ZNF451: variants seen among roughly 807,000 people sequenced by gnomAD.
The protein encoded by ZNF451 is zinc finger protein 451.
ZNF451 carries 80 observed loss-of-function variants against 107.1 expected under a neutral mutation model. The observed-to-expected ratio is 0.75, with a 90% CI of 0.62 to 0.90. ZNF451 has a LOEUF of 0.90. Among genes scored for constraint, ZNF451 ranks in the 40% least tolerant of loss-of-function variants. ZNF451 has a pLI of 0.00. For synonymous variants in ZNF451, 362 were observed against 406.5 expected, an observed-to-expected ratio of 0.89 and a Z score of 1.32; for missense variants, 1,107 against 1,236.2, an observed-to-expected ratio of 0.90 and a Z score of 1.57.
rs770130087 is a variant in ZNF451 at position 57,124,793 on chromosome 6, G to C, written c.246G>C (p.Leu82=). ...AGAAGGATAAAGTTGCTTTAACTCTGGCTCGTCTAGCCCGCCATGTTGAAG... is the reference window on the plus strand; with the variant it reads ...AGAAGGATAAAGTTGCTTTAACTCTCGCTCGTCTAGCCCGCCATGTTGAAG... ...DYQKDKVALT[L]ARLARHVEVE... is the part of the protein sequence containing the mutation. The change falls in exon 4 of 15, where the codon CTG becomes CTC. Residue 82 remains leucine (L), a synonymous_variant. Transcript: ENST00000370706. 1 of 1,610,426 alleles carries C rather than the reference G, an allele frequency of 6.2e-7. No individual in the cohort carries two copies. The highest frequency in any genetic ancestry group is 1.1e-5 in the South Asian group (1 of 90,904).
chr6:57,154,560 A>G lies in ZNF451; in HGVS notation c.3070+513A>G, dbSNP rs879068862. On this transcript the variant is annotated intron_variant, in intron 13 of 14. Transcript: ENST00000370706. Reference sequence around the variant, plus strand: ...TGCTGGGACTTGCACTTTCTTCTGTACCTTTGTGAGATTGTTCAATGAAAG... The same window carrying G: ...TGCTGGGACTTGCACTTTCTTCTGTGCCTTTGTGAGATTGTTCAATGAAAG... The G allele has an allele frequency of 1.5e-4, 24 of 156,808 alleles. No individual in the cohort carries two copies. The South Asian group carries it at 4.8e-3, about 31-fold the overall frequency. The allele number at this position is 156,808 out of a possible 1,614,324, so 9.7% of individuals were successfully genotyped here.
At chr6:57,130,783 C>G (rs1213045907) in intron 5 of ZNF451, among the ~76,000 whole-genome samples, 1 of 152,136 alleles carries the variant, frequency 6.6e-6, no homozygotes, top group Non-Finnish European at 1.5e-5. Context: ...ATGGTACTTT[C>G]AAGATTAGTG....
intron 14 of ZNF451, among the ~76,000 whole-genome samples, chr6:57,162,234 AAC>A (rs1360173099): frequency 1.3e-5 from 2 of 152,196 alleles, no homozygotes; most frequent in Non-Finnish European, 2.9e-5. Context: ...AATGTGACTA[AAC>A]ACACACAAAC....
In ZNF451 at chr6:57,106,932, C is replaced by G. The variant is rs1029177542; in HGVS notation, c.186+7791C>G. ...TTCCAGATATATTGAGTTTTATAAACCATTAAAATATTATTTTATGAAATT... is the reference window on the plus strand; with the variant it reads ...TTCCAGATATATTGAGTTTTATAAAGCATTAAAATATTATTTTATGAAATT... On this transcript the variant is annotated intron_variant, in intron 3 of 14. Coordinates refer to ENST00000370706, the MANE Select transcript of ZNF451 (RefSeq NM_001031623.3). 14 of 928,648 alleles carry G rather than the reference C, an allele frequency of 1.5e-5. No individual in the cohort carries two copies. The African/African-American group carries it at 2.1e-4, about 14-fold the overall frequency. 57.5% of individuals were successfully genotyped at this position (928,648 alleles called of 1,614,324 possible). A position where few individuals can be genotyped will look rare whatever the true frequency, so the allele number is the denominator to read the frequency against.
At chr6:57,121,619 A>G (rs1406528884) in intron 3 of ZNF451, among the ~76,000 whole-genome samples, 1 of 152,150 alleles carries the variant, frequency 6.6e-6, no homozygotes, top group Non-Finnish European at 1.5e-5. Context: ...GTAGAATACA[A>G]CCCCATTTAC....
intron 3 of ZNF451, chr6:57,102,791 A>G (rs1025917682): frequency 2.0e-6 from 2 of 985,322 alleles, no homozygotes; most frequent in Non-Finnish European, 2.4e-6. Context: ...AAAGACTTCT[A>G]CCTGTAACAT....
At chr6:57,108,899 C>T in intron 3 of ZNF451, 1 of 985,418 alleles carries the variant, frequency 1.0e-6, no homozygotes, top group South Asian at 4.7e-5. Context: ...GGTGGTGGAA[C>T]TGAGCTTTAA....
At chr6:57,136,535 A>G (rs1157719889) in intron 7 of ZNF451, among the ~76,000 whole-genome samples, 1 of 152,186 alleles carries the variant, frequency 6.6e-6, no homozygotes, top group Non-Finnish European at 1.5e-5. Context: ...GAAGAAAGAA[A>G]TGATAGGGTT....
intron 3 of ZNF451, among the ~76,000 whole-genome samples, chr6:57,123,729 G>T (rs1013722594): frequency 6.6e-6 from 1 of 152,008 alleles, no homozygotes; most frequent in East Asian, 1.9e-4. Context: ...TCTTCATAAA[G>T]ATGTACACAT....
At position 57,159,057 on chromosome 6, in the gene ZNF451, C is replaced by T. The variant is rs183598564; in HGVS notation, c.3071-2027C>T. Reference sequence around the variant, plus strand: ...TTAAAGTCTGTCTGCCTGTTGTTTCCTCAGCCTGTTAATGAAAACTATAGG... The same window carrying T: ...TTAAAGTCTGTCTGCCTGTTGTTTCTTCAGCCTGTTAATGAAAACTATAGG... On this transcript the variant is annotated intron_variant, in intron 13 of 14. Transcript: ENST00000370706. 78 of 985,410 alleles carry T rather than the reference C, an allele frequency of 7.9e-5. 1 individual carries two copies. The East Asian group carries it at 6.9e-3, about 87-fold the overall frequency. The allele number at this position is 985,410 out of a possible 1,614,324, so 61.0% of individuals were successfully genotyped here. A position where few individuals can be genotyped will look rare whatever the true frequency, so the allele number is the denominator to read the frequency against.
At chr6:57,101,590 A>G (rs549747588) in intron 3 of ZNF451, 45 of 1,550,886 alleles carry the variant, frequency 2.9e-5, no homozygotes, top group Non-Finnish European at 3.6e-5. Flanking sequence ...TGCTAGCTAC[A>G]TGGCCTATAT....
intron 6 of ZNF451, 73 bp downstream of exon 6, chr6:57,133,265 G>T (rs138118315): frequency 1.4e-6 from 2 of 1,408,458 alleles, no homozygotes; most frequent in Non-Finnish European, 9.9e-7. Flanking sequence ...AAATGAAAGC[G>T]TAATGCTCCT....
chr6:57,152,684 C>G (rs1392067468), intron 12 of ZNF451, among the ~76,000 whole-genome samples: 1 of 152,090 alleles, frequency 6.6e-6, no homozygotes, highest in Non-Finnish European at 1.5e-5. Flanking sequence ...ACCTCAGCCC[C>G]CTGGGCTGAA....
In ZNF451 at chr6:57,099,150, A is replaced by G. The variant is rs545298165; in HGVS notation, c.186+9A>G. On this transcript the variant is annotated intron_variant, in intron 3 of 14. Coordinates refer to ENST00000370706, the MANE Select transcript of ZNF451 (RefSeq NM_001031623.3). ...GCACCTCTTATACTGATGTAAGTAC[A>G]TTATATTTGATTTGTGTTTCTTCAC... The G allele has an allele frequency of 4.4e-6, 7 of 1,583,838 alleles. No homozygotes were observed. The Middle Eastern group carries it at 5.0e-4, about 114-fold the overall frequency.
intron 2 of ZNF451, among the ~76,000 whole-genome samples, chr6:57,095,324 T>G (rs1829238665): frequency 6.7e-6 from 1 of 148,576 alleles, no homozygotes; most frequent in Non-Finnish European, 1.5e-5. Flanking sequence ...TTTTCTGTGA[T>G]ACTTTTTTTT....
chr6:57,134,646 G>A (rs1196079673), intron 6 of ZNF451, 98 bp from the exon 7 acceptor site: 1 of 1,022,154 alleles, frequency 9.8e-7, no homozygotes, highest in Non-Finnish European at 1.4e-6. Flanking sequence ...AGTTCTGAAT[G>A]TGTGTGTATG....
chr6:57,131,745 A>G (rs1036339034), intron 5 of ZNF451, among the ~76,000 whole-genome samples: 1 of 152,212 alleles, frequency 6.6e-6, no homozygotes, highest in Non-Finnish European at 1.5e-5. Flanking sequence ...GGGGCTTTGT[A>G]GAAAATTCAA....
rs1015864298 is a variant in ZNF451 at position 57,169,027 on chromosome 6, G to C, written c.*558G>C. The C allele has an allele frequency of 1.3e-5, 2 of 152,020 alleles. No individual in the cohort carries two copies. Among genetic ancestry groups the C allele is most frequent in the Non-Finnish European group, 2.9e-5 (2 of 67,990 alleles). 9.4% of individuals were successfully genotyped at this position (152,020 alleles called of 1,614,324 possible). A position where few individuals can be genotyped will look rare whatever the true frequency, so the allele number is the denominator to read the frequency against. On this transcript the variant is annotated 3_prime_UTR_variant, in exon 15 of 15. Coordinates refer to ENST00000370706, the MANE Select transcript of ZNF451 (RefSeq NM_001031623.3). ...AATTTTATCAGCAATGTTCTTTGTGGGTGCCATGCATATGTAAATTATTGC... is the reference window on the plus strand; with the variant it reads ...AATTTTATCAGCAATGTTCTTTGTGCGTGCCATGCATATGTAAATTATTGC...
rs555755614 is a variant in ZNF451, at chr6:57,133,229, C to G, written c.575+37C>G. ...ATTCATAATAGTGAATGCTGAAGAT[C>G]TAGTGAGCTACCAAGTGATTTCATA... On this transcript the variant is annotated intron_variant, in intron 6 of 14. Coordinates refer to ENST00000370706, the MANE Select transcript of ZNF451 (RefSeq NM_001031623.3). 1.0e-5 allele frequency: 16 copies of G among 1,578,496 alleles called. No individual in the cohort carries two copies. The South Asian group carries it at 1.7e-4, about 17-fold the overall frequency.
Sources: gnomAD v4.1 joint callset for allele counts (sites outside exome capture counted in the v4.1 genomes callset) on GRCh38, gnomAD v4.1.1 for gene constraint, MANE v1.5 for transcripts, NCBI Gene and HGNC (gene_info 2026-07-23, HGNC 2026-07-21) for gene names.